Variants in EIF4A2 observed in about 807,000 individuals in gnomAD.
EIF4A2 encodes eukaryotic initiation factor 4A-II.
EIF4A2 carries 9 observed loss-of-function variants against 50.6 expected under a neutral mutation model. The observed-to-expected ratio is 0.18, with a 90% confidence interval of 0.11 to 0.31. The LOEUF (loss-of-function observed/expected upper bound fraction) is 0.31. Ranked by LOEUF, EIF4A2 falls within the 10% of genes least tolerant of loss-of-function variation. The pLI, the probability that EIF4A2 is intolerant of heterozygous loss-of-function variation, is 1.00. For missense variants in EIF4A2, 182 were observed against 501.8 expected (o/e 0.36, Z 6.09); for synonymous variants, 215 against 164.4 (o/e 1.31, Z -2.35).
At chr3:186,788,198 C>A in intron 10 of EIF4A2, 3 of 901,798 alleles carry the variant, frequency 3.3e-6, no homozygotes, top group Non-Finnish European at 4.6e-6. Context: ...TTCTTGGTGT[C>A]GCCTGGTAGC....
chr3:186,785,843 C>T (rs769666089), intron 4 of EIF4A2, 40 bp from the exon 5 acceptor site: 95 of 1,569,038 alleles, frequency 6.1e-5, no homozygotes, highest in Non-Finnish European at 7.9e-5. Flanking sequence ...GTCATTGATC[C>T]TGGAGTTCTG....
chr3:186,786,706 C>A (rs1296461475), intron 7 of EIF4A2, 61 bp downstream of exon 7: 8 of 1,604,752 alleles, frequency 5.0e-6, no homozygotes, highest in South Asian at 2.2e-5. Context: ...GCTAAAATTG[C>A]AGACACTAGG....
At position 186,787,277 on chromosome 3, in the gene EIF4A2, C is replaced by G; in HGVS notation, c.909+13C>G. On this transcript the variant is annotated intron_variant, in intron 8 of 10. Coordinates refer to ENST00000323963, the MANE Select transcript of EIF4A2 (RefSeq NM_001967.4). ...AGTTTCTGCTCTGGTAAGAGGTGTT[C>G]TAAAATGTCTGGATTTCCACTAAAG... The G allele has an allele frequency of 1.2e-6, 2 of 1,614,030 alleles. No individual in the cohort carries two copies. Among genetic ancestry groups the G allele is most frequent in the Non-Finnish European group, 1.7e-6 (2 of 1,179,952 alleles).
chr3:186,785,845 G>A, intron 4 of EIF4A2, 38 bp from the exon 5 acceptor site: 1 of 1,571,704 alleles, frequency 6.4e-7, no homozygotes. Flanking sequence ...CATTGATCCT[G>A]GAGTTCTGCG....
chr3:186,787,767 T>A, intron 9 of EIF4A2, 36 bp from the exon 10 acceptor site: 1 of 1,613,944 alleles, frequency 6.2e-7, no homozygotes, highest in Non-Finnish European at 8.5e-7. Flanking sequence ...TCAAGTTTTT[T>A]TGAATCAATT....
chr3:186,783,704 T>C lies in EIF4A2; in HGVS notation c.29+65T>C, dbSNP rs555645648. On this transcript the variant is annotated intron_variant, in intron 1 of 10. Transcript: ENST00000323963. ...CATAGGGCGCCAGGGGAGATGATAG[T>C]GGATGGCACGGAGGCAAAAACTCTA... is the stretch of plus-strand genomic sequence containing the variant. 427 of 1,612,564 alleles carry C rather than the reference T, an allele frequency of 2.6e-4. 7 individuals are homozygous for C. In the Admixed American group the frequency reaches 7.0e-3, roughly 26 times the overall value.
chr3:186,787,588 A>G lies in EIF4A2; in HGVS notation c.999+4A>G. On this transcript the variant is annotated splice_donor_region_variant and intron_variant, in intron 9 of 10. Coordinates refer to ENST00000323963, the MANE Select transcript of EIF4A2 (RefSeq NM_001967.4). ...TCTGATCACTACTGACTTGTTGGTA[A>G]GTCTCTTAATGCTTTTTAAAAATCT... 1 of 1,614,018 alleles carries G rather than the reference A, an allele frequency of 6.2e-7. No homozygotes were observed.
At chr3:186,785,233 G>A in intron 4 of EIF4A2, 132 bp downstream of exon 4, 1 of 1,366,200 alleles carries the variant, frequency 7.3e-7, no homozygotes, top group Non-Finnish European at 9.9e-7. Flanking sequence ...ATGCATGCAG[G>A]GAGTTTTTGT....
At position 186,789,701 on chromosome 3, in the gene EIF4A2, TAG is replaced by T; in HGVS notation, c.*434_*435del. Reference sequence around the variant, plus strand: ...AGTAGAAAGGCCTTTAAAATTTTTTTAGAAAGCATTTGAATGCATTTTGTTTG... The same window carrying T: ...AGTAGAAAGGCCTTTAAAATTTTTTTAAAGCATTTGAATGCATTTTGTTTG... On this transcript the variant is annotated 3_prime_UTR_variant, in exon 11 of 11. Coordinates refer to ENST00000323963, the MANE Select transcript of EIF4A2 (RefSeq NM_001967.4). 2.6e-6 allele frequency: 1 copy of T among 380,196 alleles called. No individual in the cohort carries two copies. The highest frequency in any genetic ancestry group is 4.7e-6 in the Non-Finnish European group (1 of 211,266). The allele number at this position is 380,196 out of a possible 1,614,324, so 23.6% of individuals were successfully genotyped here.
intron 1 of EIF4A2, 123 bp downstream of exon 1, chr3:186,783,762 C>G: frequency 4.1e-6 from 6 of 1,458,390 alleles, no homozygotes; most frequent in Non-Finnish European, 5.7e-6. Flanking sequence ...GTACAGCACT[C>G]CTGTGCCCTT....
At chr3:186,784,104 G>A (rs545832734) in intron 1 of EIF4A2, 1 of 481,626 alleles carries the variant, frequency 2.1e-6, no homozygotes, top group Non-Finnish European at 3.8e-6. Flanking sequence ...TGAACCGTTG[G>A]CATCGCCCTC....
rs1560083630 is a variant in EIF4A2, at chr3:186,784,620, CCTT to C, written c.134_136del (p.Leu45del). The stretch of plus-strand genomic sequence containing the variant: ...ATGATATGAATTTAAAGGAGTCTCT[CCTT>C]CGTGGCATCTATGCTTACGGTTTTG... On this transcript the variant is annotated inframe_deletion, in exon 3 of 11. Coordinates refer to ENST00000323963, the MANE Select transcript of EIF4A2 (RefSeq NM_001967.4). The C allele has an allele frequency of 6.2e-7, 1 of 1,614,222 alleles. No homozygotes were observed. The highest frequency in any genetic ancestry group is 8.5e-7 in the Non-Finnish European group (1 of 1,180,040).
At chr3:186,788,393 G>C in intron 10 of EIF4A2, 1 of 1,284,700 alleles carries the variant, frequency 7.8e-7, no homozygotes, top group Non-Finnish European at 1.0e-6. Flanking sequence ...AAGCGAAACA[G>C]CACACTGTTT....
chr3:186,788,052 A>G, intron 10 of EIF4A2, 170 bp downstream of exon 10: 2 of 800,042 alleles, frequency 2.5e-6, no homozygotes, highest in South Asian at 3.7e-5. Context: ...ACAAAGTGGG[A>G]AAACTTGTAA....
chr3:186,785,828 A>C, intron 4 of EIF4A2, 55 bp from the exon 5 acceptor site: 1 of 1,554,432 alleles, frequency 6.4e-7, no homozygotes, highest in Non-Finnish European at 8.7e-7. Context: ...ATGCTTTAAA[A>C]ATTAGTCATT....
rs1579171925 is a variant in EIF4A2 at position 186,789,676 on chromosome 3, A to G, written c.*407A>G. ...CTTTATTGTGTTTGTCATTAGCCTG[A>G]GTAGAAAGGCCTTTAAAATTTTTTT... On this transcript the variant is annotated 3_prime_UTR_variant, in exon 11 of 11. Transcript: ENST00000323963. 2.7e-6 allele frequency: 1 copy of G among 369,012 alleles called. No homozygotes were observed. Among genetic ancestry groups the G allele is most frequent in the East Asian group, 4.4e-5 (1 of 22,580 alleles). 22.9% of individuals were successfully genotyped at this position (369,012 alleles called of 1,614,324 possible). A position where few individuals can be genotyped will look rare whatever the true frequency, so the allele number is the denominator to read the frequency against.
Position 186,789,818 on chromosome 3 carries a change from T to C in EIF4A2, c.*549T>C. The C allele has an allele frequency of 1.6e-6, 1 of 626,024 alleles. No individual in the cohort carries two copies. 38.8% of individuals were successfully genotyped at this position (626,024 alleles called of 1,614,324 possible). A position where few individuals can be genotyped will look rare whatever the true frequency, so the allele number is the denominator to read the frequency against. On this transcript the variant is annotated 3_prime_UTR_variant, in exon 11 of 11. Coordinates refer to ENST00000323963, the MANE Select transcript of EIF4A2 (RefSeq NM_001967.4). ...CCCCAGCAAGCAATCCTAGGTAGGG[T>C]TTAATCCCCAGTAAAATTGCCATAT...
intron 10 of EIF4A2, 108 bp downstream of exon 10, chr3:186,787,990 A>G: frequency 8.6e-7 from 1 of 1,166,568 alleles, no homozygotes; most frequent in East Asian, 2.5e-5. Flanking sequence ...TAAAGTCAGT[A>G]GTGTTCAGTA....
At chr3:186,784,502 A>C (rs370792609) in intron 2 of EIF4A2, 25 bp downstream of exon 2, 4 of 1,614,082 alleles carry the variant, frequency 2.5e-6, no homozygotes, top group African/African-American at 1.3e-5. Flanking sequence ...TGGATCTTGA[A>C]GCTTTGGAAA....
Sources: allele counts gnomAD v4.1 joint callset, GRCh38; gene constraint gnomAD v4.1.1; transcripts MANE v1.5; gene names NCBI Gene and HGNC (gene_info 2026-07-23, HGNC 2026-07-21).